The following ABCA9 variants were observed in gnomAD, a reference collection of about 807,000 sequenced individuals.
ABCA9 encodes the protein ATP-binding cassette sub-family A member 9.
Under a neutral mutation model 205.3 loss-of-function variants are expected in ABCA9, and 183 were observed. The ratio of observed to expected loss-of-function variants is 0.89; its 90% CI spans 0.79 to 1.01. ABCA9 has a LOEUF of 1.01. Among genes scored for constraint, ABCA9 ranks in the 50% least tolerant of loss-of-function variants. ABCA9 has a pLI of 0.00. For synonymous variants in ABCA9, 651 were observed against 683.3 expected, an observed-to-expected ratio of 0.95 and a Z score of 0.74; for missense variants, 1,805 against 1,912.4, an observed-to-expected ratio of 0.94 and a Z score of 1.05.
chr17:68,982,410 C>A, intron 37 of ABCA9, 152 bp downstream of exon 37: 1 of 626,110 alleles, frequency 1.6e-6, no homozygotes, highest in Non-Finnish European at 2.8e-6. Context: ...CCAAATCACC[C>A]CTTATGGAAA....
chr17:69,049,850 C>G (rs1044439962), intron 2 of ABCA9, among the ~76,000 whole-genome samples: 1 of 152,114 alleles, frequency 6.6e-6, no homozygotes, highest in South Asian at 2.1e-4. Flanking sequence ...GAATAGGTAA[C>G]TAGCTTCCAT....
rs116438216 is a variant in ABCA9 at position 68,976,487 on chromosome 17, C to T, written c.4721-297G>A. On this transcript the variant is annotated intron_variant, in intron 37 of 38. Transcript: ENST00000340001. The stretch of plus-strand genomic sequence containing the variant: ...TACCCTCTGTGCTAGACGATGACCA[C>T]GTACCCCTCTGTACCAGCCCTCATT... Among the ~76,000 whole-genome samples, 501 of 152,280 alleles carry T rather than the reference C, an allele frequency of 3.3e-3. 5 individuals are homozygous for T. Among genetic ancestry groups the T allele is most frequent in the African/African-American group, 0.011 (475 of 41,558 alleles).
intron 7 of ABCA9, 95 bp downstream of exon 7, chr17:69,035,565 A>C (rs2071305456): frequency 6.7e-7 from 1 of 1,495,008 alleles, no homozygotes; most frequent in Admixed American, 2.1e-5. Context: ...TACTACAAAG[A>C]GAACAAAAGA....
chr17:69,018,374 GAAC>G (rs774774870), intron 20 of ABCA9, 36 bp downstream of exon 20: 10 of 1,438,496 alleles, frequency 7.0e-6, no homozygotes, highest in Non-Finnish European at 8.2e-6. Context: ...CTCTCAACAA[GAAC>G]AACATTTAAC....
chr17:69,027,354 C>A lies in ABCA9; in HGVS notation c.1887G>T (p.Gly629=). The A allele has an allele frequency of 6.2e-7, 1 of 1,613,128 alleles. No homozygotes were observed. ...SGGQNRKLTF[G]IAILGDPQVL... is the part of the protein sequence containing the mutation. ...CTTGAGGATCTCCTAAAATGGCAAT[C>A]CCAAAAGTTAGTTTCCTATTTTGTC... The change falls in exon 14 of 39, where the codon GGG becomes GGT. Residue 629 remains glycine (G), a synonymous_variant. Coordinates refer to ENST00000340001, the MANE Select transcript of ABCA9 (RefSeq NM_080283.4).
chr17:68,981,317 A>G (rs1178533441), intron 37 of ABCA9, among the ~76,000 whole-genome samples: 1 of 152,098 alleles, frequency 6.6e-6, no homozygotes. Context: ...AATGTTAAGT[A>G]TGTGATGTGA....
chr17:68,994,076 AT>A (rs750005385), intron 26 of ABCA9, among the ~76,000 whole-genome samples: 8 of 152,154 alleles, frequency 5.3e-5, no homozygotes, highest in Non-Finnish European at 1.2e-4. Context: ...GGGTTTCACC[AT>A]GTTGGCCAGG....
chr17:69,029,423 G>A (rs16973526), intron 10 of ABCA9, among the ~76,000 whole-genome samples, 196 bp from the exon 11 acceptor site: 53 of 152,214 alleles, frequency 3.5e-4, no homozygotes, highest in African/African-American at 1.1e-3. Context: ...ATTAGAAGCA[G>A]AATCCCTGAT....
chr17:69,059,936 G>T (rs140508614), intron 1 of ABCA9, among the ~76,000 whole-genome samples: 6 of 152,238 alleles, frequency 3.9e-5, no homozygotes, highest in Non-Finnish European at 7.4e-5. Flanking sequence ...AATCCTGCCT[G>T]AAACCAAACT....
chr17:69,032,989 A>T (rs1317915407), intron 9 of ABCA9: 1 of 152,052 alleles, frequency 6.6e-6, no homozygotes, highest in African/African-American at 2.4e-5. Flanking sequence ...AGATGCACAG[A>T]TGAAGATTTT....
intron 23 of ABCA9, among the ~76,000 whole-genome samples, chr17:69,009,358 G>A (rs192572629): frequency 6.6e-6 from 1 of 152,122 alleles, no homozygotes; most frequent in African/African-American, 2.4e-5. Context: ...CTGGGTGACC[G>A]GTCAGAAAGC....
chr17:68,980,475 C>T (rs1215653952), intron 37 of ABCA9, among the ~76,000 whole-genome samples: 1 of 152,046 alleles, frequency 6.6e-6, no homozygotes, highest in Non-Finnish European at 1.5e-5. Flanking sequence ...GCTATAAAGA[C>T]ACATGCACAC....
chr17:68,980,883 G>A (rs367643830), intron 37 of ABCA9, among the ~76,000 whole-genome samples: 4 of 151,196 alleles, frequency 2.6e-5, no homozygotes, highest in East Asian at 3.9e-4. Flanking sequence ...CCTGCACGTT[G>A]TGCACATGTA....
At chr17:69,054,557 T>G (rs1462340491) in intron 1 of ABCA9, among the ~76,000 whole-genome samples, 2 of 150,144 alleles carry the variant, frequency 1.3e-5, no homozygotes, top group East Asian at 3.9e-4. Flanking sequence ...AAAAGAAAAT[T>G]CAGATTTACA....
intron 31 of ABCA9, chr17:68,986,810 G>T (rs2069253157): frequency 2.0e-5 from 3 of 152,440 alleles, no homozygotes; most frequent in African/African-American, 7.2e-5. Flanking sequence ...AGTATTACTG[G>T]CATCTAGTAA....
chr17:68,999,139 A>G (rs2069740706), intron 25 of ABCA9, among the ~76,000 whole-genome samples: 1 of 151,232 alleles, frequency 6.6e-6, no homozygotes, highest in South Asian at 2.1e-4. Context: ...TATTATTATT[A>G]TTATACTTTA....
In ABCA9 at chr17:68,984,935, A is replaced by T. The variant is rs1262164267; in HGVS notation, c.4329T>A (p.Leu1443=). The T allele has an allele frequency of 6.2e-7, 1 of 1,614,114 alleles. No individual in the cohort carries two copies. Among genetic ancestry groups the T allele is most frequent in the South Asian group, 1.1e-5 (1 of 91,078 alleles). The part of the protein sequence containing the change: ...LSILGNPSVV[L]LDEPSTGMDP... The stretch of plus-strand genomic sequence containing the variant: ...CCATCCCGGTCGACGGCTCATCCAG[A>T]AGCACCACTGACGGGTTCCCCAGGA... Residue 1443 remains leucine (L), a synonymous_variant, in exon 34 of 39, where the codon CTT becomes CTA. Coordinates refer to ENST00000340001, the MANE Select transcript of ABCA9 (RefSeq NM_080283.4).
rs2068859408 is a variant in ABCA9 at position 68,974,888 on chromosome 17, T to C, written c.*1027A>G. The C allele has an allele frequency of 6.6e-6, 1 of 152,210 alleles. No individual in the cohort carries two copies. Among genetic ancestry groups the C allele is most frequent in the Non-Finnish European group, 1.5e-5 (1 of 68,034 alleles). 9.4% of individuals were successfully genotyped at this position (152,210 alleles called of 1,614,324 possible). On this transcript the variant is annotated 3_prime_UTR_variant, in exon 39 of 39. Transcript: ENST00000340001. ...TTTTATTATACTTTAAGTTCTGGGA[T>C]ACATGTGCTGAATGTGCAGGTTTGT...
At chr17:69,038,373 T>A (rs2071415969) in intron 6 of ABCA9, among the ~76,000 whole-genome samples, 1 of 152,132 alleles carries the variant, frequency 6.6e-6, no homozygotes, top group African/African-American at 2.4e-5. Context: ...TCCACCATGA[T>A]CAACTTGGCT....
Sources: gnomAD v4.1 joint callset for allele counts (sites outside exome capture counted in the v4.1 genomes callset) on GRCh38, gnomAD v4.1.1 for gene constraint, MANE v1.5 for transcripts, NCBI Gene and HGNC (gene_info 2026-07-23, HGNC 2026-07-21) for gene names.